The following SLC46A1 variants were observed in gnomAD, a reference collection of about 807,000 sequenced individuals.
SLC46A1 encodes the protein solute carrier family 46 member 1.
A neutral mutation model predicts 32.1 loss-of-function variants in SLC46A1; 17 were observed. The observed-to-expected ratio is 0.53, with a 90% CI of 0.36 to 0.79. SLC46A1 has a LOEUF of 0.79. Among genes scored for constraint, SLC46A1 ranks in the 30% least tolerant of loss-of-function variants. The probability of loss-of-function intolerance (pLI) is 0.00; values close to 1 mark genes in which losing one functional copy is unlikely to be tolerated. For missense variants in SLC46A1, 517 were observed against 588.2 expected (o/e 0.88, Z 1.25); for synonymous variants, 240 against 262.7 (o/e 0.91, Z 0.84).
intron 3 of SLC46A1, chr17:28,401,029 C>T (rs782023532): frequency 5.2e-4 from 178 of 343,522 alleles, no homozygotes; most frequent in Middle Eastern, 2.1e-3. Context: ...GAACCCAGCA[C>T]ATAAAAGAAA....
rs1305307370 is a variant in SLC46A1, at chr17:28,394,845, G to T, written c.*4811C>A. The stretch of plus-strand genomic sequence containing the variant: ...GGCAAAGAGAGAGGAATTTTAGCAG[G>T]ATTACAACATTTTCCATACAAGACC... On this transcript the variant is annotated 3_prime_UTR_variant, in exon 5 of 5. Transcript: ENST00000612814. 6.6e-6 allele frequency: 1 copy of T among 152,158 alleles called. No homozygotes were observed. The highest frequency in any genetic ancestry group is 1.5e-5 in the Non-Finnish European group (1 of 68,030). 9.4% of individuals were successfully genotyped at this position (152,158 alleles called of 1,614,324 possible).
In SLC46A1 at chr17:28,399,553, A is replaced by T; in HGVS notation, c.*103T>A. 1 of 1,214,496 alleles carries T rather than the reference A, an allele frequency of 8.2e-7. No individual in the cohort carries two copies. The allele number at this position is 1,214,496 out of a possible 1,614,324, so 75.2% of individuals were successfully genotyped here. On this transcript the variant is annotated 3_prime_UTR_variant, in exon 5 of 5. Coordinates refer to ENST00000612814, the MANE Select transcript of SLC46A1 (RefSeq NM_080669.6). ...TCCAAAGAGAGCACTGCCCTTAGAC[A>T]AGAGTTGCTTGTCCTGCTGTGGGCT...
rs1386304942 is a variant in SLC46A1, at chr17:28,399,359, G to A, written c.*297C>T. 12 of 402,406 alleles carry A rather than the reference G, an allele frequency of 3.0e-5. No individual in the cohort carries two copies. The highest frequency in any genetic ancestry group is 7.2e-5 in the Admixed American group (2 of 27,598). The allele number at this position is 402,406 out of a possible 1,614,324, so 24.9% of individuals were successfully genotyped here. A position where few individuals can be genotyped will look rare whatever the true frequency, so the allele number is the denominator to read the frequency against. On this transcript the variant is annotated 3_prime_UTR_variant, in exon 5 of 5. Coordinates refer to ENST00000612814, the MANE Select transcript of SLC46A1 (RefSeq NM_080669.6). ...TCTCTCAGGACCTCTCCTCTGGCCT[G>A]TGGGGTTATAAGTGATGGATAGCAG...
At chr17:28,401,397 G>A (rs2068196147) in intron 3 of SLC46A1, 1 of 157,776 alleles carries the variant, frequency 6.3e-6, no homozygotes, top group African/African-American at 2.4e-5. Flanking sequence ...TTAGGTGAAT[G>A]AATGAAGACA....
intron 3 of SLC46A1, 91 bp from the exon 4 acceptor site, chr17:28,400,857 G>C (rs929959708): frequency 1.7e-6 from 2 of 1,196,988 alleles, no homozygotes; most frequent in East Asian, 5.1e-5. Context: ...ACCGGGAGTA[G>C]TCACTTAACC....
rs369471535 is a variant in SLC46A1 at position 28,395,875 on chromosome 17, G to A, written c.*3781C>T. 3.1e-6 allele frequency: 5 copies of A among 1,611,928 alleles called. No individual in the cohort carries two copies. The highest frequency in any genetic ancestry group is 4.2e-6 in the Non-Finnish European group (5 of 1,179,810). The stretch of plus-strand genomic sequence containing the variant: ...CAAGGGTCCCTAGATGGGTACAGGG[G>A]TATCTTCCTCCTTTCCTTTCTTTCT... On this transcript the variant is annotated 3_prime_UTR_variant, in exon 5 of 5. Transcript: ENST00000612814.
chr17:28,404,653 G>GGCAAA lies in SLC46A1; in HGVS notation c.1043_1044insTTTGC (p.Phe349LeufsTer23). ...GAGGCGTGATAGTGGCAAAGGCAAA[G>GGCAAA]ACCACCATCCCCAGGATGTTGAAGG... On this transcript the variant is annotated frameshift_variant, in exon 2 of 5. Coordinates refer to ENST00000612814, the MANE Select transcript of SLC46A1 (RefSeq NM_080669.6). LOFTEE classifies it high-confidence loss of function. 6.2e-7 allele frequency: 1 copy of GGCAAA among 1,612,152 alleles called. No homozygotes were observed. Among genetic ancestry groups the GGCAAA allele is most frequent in the Non-Finnish European group, 8.5e-7 (1 of 1,178,404 alleles).
At position 28,396,245 on chromosome 17, in the gene SLC46A1, G is replaced by A. The variant is rs2068121808; in HGVS notation, c.*3411C>T. The A allele has an allele frequency of 6.2e-7, 1 of 1,614,014 alleles. No individual in the cohort carries two copies. Among genetic ancestry groups the A allele is most frequent in the African/African-American group, 1.3e-5 (1 of 75,050 alleles). Reference sequence around the variant, plus strand: ...CTCCCGGGACTCATCTGCAGGCTCTGACACCAGTTTGGAGGGTGCTGCACC... The same window carrying A: ...CTCCCGGGACTCATCTGCAGGCTCTAACACCAGTTTGGAGGGTGCTGCACC... On this transcript the variant is annotated 3_prime_UTR_variant, in exon 5 of 5. Coordinates refer to ENST00000612814, the MANE Select transcript of SLC46A1 (RefSeq NM_080669.6).
Position 28,405,058 on chromosome 17 carries a change from C to A in SLC46A1, c.639G>T (p.Trp213Cys), listed in dbSNP as rs781868707. Residue 213 changes from tryptophan to cysteine, a missense_variant, in exon 2 of 5, where the codon TGG becomes TGT. Coordinates refer to ENST00000612814, the MANE Select transcript of SLC46A1 (RefSeq NM_080669.6). ...LRAQGYANPF[W>C]LALALLIAMT... ...TGGCTATCAGCAAGGCCAAGGCCAGCCAGAAGGGGTTGGCATAACCCTGGG... is the reference window on the plus strand; with the variant it reads ...TGGCTATCAGCAAGGCCAAGGCCAGACAGAAGGGGTTGGCATAACCCTGGG... 11 of 1,613,980 alleles carry A rather than the reference C, an allele frequency of 6.8e-6. No homozygotes were observed. Among genetic ancestry groups the A allele is most frequent in the South Asian group, 1.1e-5 (1 of 91,084 alleles).
Position 28,400,661 on chromosome 17 carries a change from A to G in SLC46A1, c.1271T>C (p.Phe424Ser), listed in dbSNP as rs1555589349. The G allele has an allele frequency of 3.7e-6, 6 of 1,613,596 alleles. No individual in the cohort carries two copies. Among genetic ancestry groups the G allele is most frequent in the Non-Finnish European group, 5.1e-6 (6 of 1,179,828 alleles). ...GAGGCCAGCTCCCAGGAGGAAGGGG[A>G]ACCCCTTCATAAAGTTCAGAGTGGC... The part of the protein sequence containing the change: ...YPATLNFMKG[F>S]PFLLGAGLLL... The change falls in exon 4 of 5, where the codon TTC becomes TCC. Residue 424 changes from phenylalanine (F) to serine (S), a missense_variant. Phe to Ser is a radical substitution (Grantham distance 155). Transcript: ENST00000612814.
chr17:28,395,963 A>T lies in SLC46A1; in HGVS notation c.*3693T>A. On this transcript the variant is annotated 3_prime_UTR_variant, in exon 5 of 5. Transcript: ENST00000612814. ...ATTGTGCCCATCATTGATGGCTTCG[A>T]GTGGCCTGAGCCCCAGGTCCTGCCT... The T allele has an allele frequency of 6.2e-7, 1 of 1,613,912 alleles. No individual in the cohort carries two copies. Among genetic ancestry groups the T allele is most frequent in the South Asian group, 1.1e-5 (1 of 91,078 alleles).
Position 28,400,235 on chromosome 17 carries a change from G to A in SLC46A1, c.1322+375C>T, listed in dbSNP as rs993836632. ...TAATATCATACAGGAAAAAGTCAGCGGGTCAAGCTAGCCTGTGGCCCAGCC... is the reference window on the plus strand; with the variant it reads ...TAATATCATACAGGAAAAAGTCAGCAGGTCAAGCTAGCCTGTGGCCCAGCC... On this transcript the variant is annotated intron_variant, in intron 4 of 4. Transcript: ENST00000612814. 32 of 259,180 alleles carry A rather than the reference G, an allele frequency of 1.2e-4. No individual in the cohort carries two copies. The East Asian group carries it at 1.7e-3, about 13-fold the overall frequency. The allele number at this position is 259,180 out of a possible 1,614,324, so 16.1% of individuals were successfully genotyped here. A position where few individuals can be genotyped will look rare whatever the true frequency, so the allele number is the denominator to read the frequency against.
In SLC46A1 at chr17:28,402,277, G is replaced by A. The variant is rs80338773; in HGVS notation, c.1126C>T (p.Arg376Trp). 31 of 1,613,522 alleles carry A rather than the reference G, an allele frequency of 1.9e-5. No individual in the cohort carries two copies. In the South Asian group the frequency reaches 2.2e-4, roughly 11 times the overall value. Residue 376 changes from arginine (R) to tryptophan (W), a missense_variant, in exon 3 of 5, where the codon CGG becomes TGG. Physicochemically the swap from Arg to Trp is moderately radical, Grantham distance 101. Transcript: ENST00000612814. ...CTCACCAGCTTGGAGAGTTTAGCCC[G>A]GATGACAGGTGTGATGACTAATGAC... Reference protein sequence around the residue: ...FLSLVITPVIRAKLSKLVRET... With the variant: ...FLSLVITPVIWAKLSKLVRET...
At chr17:28,404,575 G>C (rs782059918) in intron 2 of SLC46A1, 41 bp downstream of exon 2, 1 of 1,607,944 alleles carries the variant, frequency 6.2e-7, no homozygotes, top group East Asian at 2.2e-5. Context: ...TTCTTACCCA[G>C]TGCCTCTGGG....
rs1555589098 is a variant in SLC46A1 at position 28,399,701 on chromosome 17, C to G, written c.1335G>C (p.Lys445Asn). 2 of 1,613,936 alleles carry G rather than the reference C, an allele frequency of 1.2e-6. No homozygotes were observed. The highest frequency in any genetic ancestry group is 8.5e-7 in the Non-Finnish European group (1 of 1,179,878). ...IPAVLIGMLE[K>N]ADPHLEFQQF... Reference sequence around the variant, plus strand: ...GCTGGAACTCGAGGTGAGGATCAGCCTTTTCCAGCATCCTGTGAGAGACCA... The same window carrying G: ...GCTGGAACTCGAGGTGAGGATCAGCGTTTTCCAGCATCCTGTGAGAGACCA... Residue 445 changes from lysine (K) to asparagine (N), a missense_variant, in exon 5 of 5, where the codon AAG becomes AAC. Lys to Asn is a moderately conservative substitution (Grantham distance 94). Coordinates refer to ENST00000612814, the MANE Select transcript of SLC46A1 (RefSeq NM_080669.6).
In SLC46A1 at chr17:28,405,196, G is replaced by T; in HGVS notation, c.501C>A (p.Ser167=). The change falls in exon 2 of 5, where the codon TCC becomes TCA. Residue 167 remains serine, a synonymous_variant. Transcript: ENST00000612814. ...TGCGACTGGAGCTGACATCTGCCAC[G>T]GACGCAAAGCTAGCAGCCAGAAGGC... ...FGGLLAASFA[S]VADVSSSRSR... is the part of the protein sequence containing the mutation. 6.2e-7 allele frequency: 1 copy of T among 1,603,488 alleles called. No individual in the cohort carries two copies. Among genetic ancestry groups the T allele is most frequent in the Admixed American group, 1.7e-5 (1 of 57,776 alleles).
Position 28,398,810 on chromosome 17 carries a change from G to A in SLC46A1, c.*846C>T, listed in dbSNP as rs1489508758. On this transcript the variant is annotated 3_prime_UTR_variant, in exon 5 of 5. Coordinates refer to ENST00000612814, the MANE Select transcript of SLC46A1 (RefSeq NM_080669.6). ...TTGTCCATCCAAATGTGATCACCAC[G>A]ATTCAACAATTTGGGGCATTGCTGA... 2.0e-5 allele frequency: 3 copies of A among 152,228 alleles called. No homozygotes were observed. Among genetic ancestry groups the A allele is most frequent in the African/African-American group, 7.2e-5 (3 of 41,446 alleles). The allele number at this position is 152,228 out of a possible 1,614,324, so 9.4% of individuals were successfully genotyped here.
At chr17:28,405,846 C>A in intron 1 of SLC46A1, 41 bp downstream of exon 1, 2 of 1,530,228 alleles carry the variant, frequency 1.3e-6, no homozygotes, top group Non-Finnish European at 1.8e-6. Flanking sequence ...ACGCTCCAGA[C>A]CAGGGCCCTC....
rs8079943 is a variant in SLC46A1, at chr17:28,395,626, G to A, written c.*4030C>T. 207,477 of 359,870 alleles carry A rather than the reference G, an allele frequency of 0.58. 61,198 individuals carry two copies. The highest frequency in any genetic ancestry group is 0.75 in the East Asian group (13,346 of 17,718). The allele number at this position is 359,870 out of a possible 1,614,324, so 22.3% of individuals were successfully genotyped here. A position where few individuals can be genotyped will look rare whatever the true frequency, so the allele number is the denominator to read the frequency against. On this transcript the variant is annotated 3_prime_UTR_variant, in exon 5 of 5. Coordinates refer to ENST00000612814, the MANE Select transcript of SLC46A1 (RefSeq NM_080669.6). ...CTAGGCTACCCCCATAGCACCCCCCGGGCCCCCAGTGGGGAATCATCTCTT... is the reference window on the plus strand; with the variant it reads ...CTAGGCTACCCCCATAGCACCCCCCAGGCCCCCAGTGGGGAATCATCTCTT...
Sources: allele counts gnomAD v4.1 joint callset, GRCh38; gene constraint gnomAD v4.1.1; transcripts MANE v1.5; gene names NCBI Gene and HGNC (gene_info 2026-07-23, HGNC 2026-07-21).